NEGR1: variants seen among roughly 807,000 people sequenced by gnomAD.
The protein encoded by NEGR1 is neuronal growth regulator 1.
NEGR1 carries 10 observed loss-of-function variants against 40.9 expected under a neutral mutation model. The observed-to-expected ratio is 0.24, with a 90% confidence interval of 0.15 to 0.42. NEGR1 has a LOEUF of 0.42. Among genes scored for constraint, NEGR1 ranks in the 10% least tolerant of loss-of-function variants. The pLI is 1.00. For missense variants in NEGR1, 352 were observed against 438.9 expected, an observed-to-expected ratio of 0.80 and a Z score of 1.77; for synonymous variants, 185 against 166.8, an observed-to-expected ratio of 1.11 and a Z score of -0.84.
intron 1 of NEGR1, among the ~76,000 whole-genome samples, chr1:72,104,372 C>T (rs1050678915): frequency 1.6e-4 from 24 of 151,842 alleles, no homozygotes; most frequent in Non-Finnish European, 3.4e-4. Flanking sequence ...GAGATGTGAC[C>T]GCGGAAGCAG....
chr1:71,608,917 C>T (rs1650153647), intron 5 of NEGR1, among the ~76,000 whole-genome samples: 1 of 152,118 alleles, frequency 6.6e-6, no homozygotes, highest in South Asian at 2.1e-4. Flanking sequence ...AACCACTTTT[C>T]TGGATATTTG....
intron 3 of NEGR1, among the ~76,000 whole-genome samples, chr1:71,705,676 C>T (rs773971115): frequency 7.3e-5 from 11 of 150,344 alleles, no homozygotes; most frequent in South Asian, 2.1e-4. Context: ...GCTGAGATCG[C>T]GCCACTGCAC....
At chr1:72,214,715 A>G (rs1653734151) in intron 1 of NEGR1, among the ~76,000 whole-genome samples, 1 of 152,132 alleles carries the variant, frequency 6.6e-6, no homozygotes, top group Non-Finnish European at 1.5e-5. Flanking sequence ...ATAAGAGAGG[A>G]CACAAACAAA....
chr1:72,050,123 A>C (rs2100473712), intron 1 of NEGR1, among the ~76,000 whole-genome samples: 1 of 151,716 alleles, frequency 6.6e-6, no homozygotes, highest in African/African-American at 2.4e-5. Context: ...TATTGTAAAA[A>C]AGGTCAAAAA....
At chr1:71,593,055 CATAGA>C in intron 5 of NEGR1, 87 bp from the exon 6 acceptor site, 8 of 852,690 alleles carry the variant, frequency 9.4e-6, no homozygotes, top group Non-Finnish European at 1.5e-5. Context: ...CATGGCAACC[CATAGA>C]CAATTCAACT....
At chr1:72,054,255 C>A (rs1647089186) in intron 1 of NEGR1, among the ~76,000 whole-genome samples, 3 of 151,344 alleles carry the variant, frequency 2.0e-5, no homozygotes, top group African/African-American at 2.4e-5. Context: ...TTAGGAAGTT[C>A]TCTGTTGCTG....
chr1:72,192,862 T>G (rs1428432181), intron 1 of NEGR1, among the ~76,000 whole-genome samples: 1 of 151,890 alleles, frequency 6.6e-6, no homozygotes, highest in Non-Finnish European at 1.5e-5. Context: ...TTACAGTTTC[T>G]TTTTCTATGT....
At chr1:71,503,785 C>G (rs960213264) in intron 6 of NEGR1, among the ~76,000 whole-genome samples, 11 of 151,866 alleles carry the variant, frequency 7.2e-5, no homozygotes, top group African/African-American at 2.7e-4. Context: ...TACACATGGG[C>G]TGAAATGATG....
intron 6 of NEGR1, among the ~76,000 whole-genome samples, chr1:71,545,431 C>T (rs1265555564): frequency 1.3e-5 from 2 of 151,636 alleles, no homozygotes; most frequent in East Asian, 3.9e-4. Context: ...CTTTGGAAGC[C>T]AATGCCCTTT....
At chr1:72,275,359 G>C (rs1367739226) in intron 1 of NEGR1, among the ~76,000 whole-genome samples, 1 of 151,806 alleles carries the variant, frequency 6.6e-6, no homozygotes, top group Non-Finnish European at 1.5e-5. Context: ...TAGTCATACG[G>C]TAATTTTTGT....
intron 2 of NEGR1, among the ~76,000 whole-genome samples, chr1:71,850,317 G>T (rs1858552): frequency 0.074 from 11,269 of 151,796 alleles, 682 homozygotes; most frequent in Admixed American, 0.19. Context: ...CATCATGCCC[G>T]GCAAATATTT....
At chr1:72,146,046 G>A (rs1650896743) in intron 1 of NEGR1, among the ~76,000 whole-genome samples, 1 of 151,960 alleles carries the variant, frequency 6.6e-6, no homozygotes, top group African/African-American at 2.4e-5. Flanking sequence ...TTTGGCTGTT[G>A]TGGTGGTGGG....
At chr1:72,074,234 C>T (rs1031977699) in intron 1 of NEGR1, among the ~76,000 whole-genome samples, 1 of 151,962 alleles carries the variant, frequency 6.6e-6, no homozygotes, top group Non-Finnish European at 1.5e-5. Flanking sequence ...GTCTGATAAA[C>T]GTATGAATGA....
chr1:71,637,926 A>G (rs748359307), intron 4 of NEGR1, among the ~76,000 whole-genome samples: 8 of 152,056 alleles, frequency 5.3e-5, no homozygotes, highest in Admixed American at 2.0e-4. Flanking sequence ...CTATTTGCCA[A>G]AACAGCACTA....
chr1:72,055,260 C>T (rs1277439337), intron 1 of NEGR1, among the ~76,000 whole-genome samples: 2 of 151,174 alleles, frequency 1.3e-5, no homozygotes, highest in Non-Finnish European at 3.0e-5. Flanking sequence ...ACTAAGTTTA[C>T]ATCATCTTTG....
chr1:72,014,687 A>C (rs2100409056), intron 1 of NEGR1, among the ~76,000 whole-genome samples: 1 of 152,184 alleles, frequency 6.6e-6, no homozygotes, highest in East Asian at 1.9e-4. Context: ...CATTCAAATA[A>C]TTATTTCCAG....
chr1:71,604,954 A>T (rs901745872), intron 5 of NEGR1, among the ~76,000 whole-genome samples: 1 of 152,204 alleles, frequency 6.6e-6, no homozygotes, highest in Non-Finnish European at 1.5e-5. Flanking sequence ...TTTTGTAGGT[A>T]CACAGCTTTT....
At chr1:72,198,069 G>A (rs1653063568) in intron 1 of NEGR1, among the ~76,000 whole-genome samples, 1 of 152,018 alleles carries the variant, frequency 6.6e-6, no homozygotes, top group Admixed American at 6.6e-5. Context: ...TAATTGGTGG[G>A]AGAATAGGCG....
intron 2 of NEGR1, among the ~76,000 whole-genome samples, chr1:71,776,506 T>C (rs904184559): frequency 6.6e-6 from 1 of 152,194 alleles, no homozygotes; most frequent in African/African-American, 2.4e-5. Context: ...TTTTGGATGT[T>C]AAATACCTCA....
Sources: gnomAD v4.1 joint callset for allele counts (sites outside exome capture counted in the v4.1 genomes callset) on GRCh38, gnomAD v4.1.1 for gene constraint, MANE v1.5 for transcripts, NCBI Gene and HGNC (gene_info 2026-07-23, HGNC 2026-07-21) for gene names.